AATK: variants seen among roughly 807,000 people sequenced by gnomAD.
The protein encoded by AATK is lemur tail kinase 1, also known as serine/threonine-protein kinase LMTK1.
In AATK, 91 loss-of-function variants were observed where a neutral mutation model predicts 114.3. That is an observed-to-expected ratio of 0.80 (90% confidence interval 0.67 to 0.95). The LOEUF is 0.95. Among genes scored for constraint, AATK ranks in the 40% least tolerant of loss-of-function variants. The probability of loss-of-function intolerance (pLI) is 0.00; values close to 1 mark genes in which losing one functional copy is unlikely to be tolerated. For synonymous variants in AATK, 1,075 were observed against 916.5 expected (o/e 1.17, Z -3.12); for missense variants, 2,176 against 1,965.2 (o/e 1.11, Z -2.03).
rs370718149 is a variant in AATK, at chr17:81,121,368, G to A, written c.2568C>T (p.Pro856=). 2.0e-5 allele frequency: 32 copies of A among 1,611,664 alleles called. No homozygotes were observed. The highest frequency in any genetic ancestry group is 1.7e-5 in the Admixed American group (1 of 59,920). ...CGGCCGTGTCCTCATCCTCACTGCT[G>A]GGTGCCTCCACCTCGGGAGAGCTGC... ...GSSSSPEVEA[P]SSEDEDTAEA... Residue 856 remains proline (P), a synonymous_variant, in exon 11 of 14, where the codon CCC becomes CCT. Coordinates refer to ENST00000326724, the MANE Select transcript of AATK (RefSeq NM_001080395.3).
intron 1 of AATK, among the ~76,000 whole-genome samples, chr17:81,157,954 G>A (rs1007453395): frequency 1.1e-4 from 16 of 152,224 alleles, no homozygotes; most frequent in Admixed American, 8.5e-4. Flanking sequence ...GACACAGCCG[G>A]GCATCCAGCT....
In AATK at chr17:81,122,190, T is replaced by G. The variant is rs1357708953; in HGVS notation, c.1746A>C (p.Pro582=). The change falls in exon 11 of 14, where the codon CCA becomes CCC. Residue 582 remains proline (P), a synonymous_variant. Coordinates refer to ENST00000326724, the MANE Select transcript of AATK (RefSeq NM_001080395.3). ...CGCGGCCCCAGGGGACGTCGACGGG[T>G]GGCCCGTGGCCCAGCAGCGGCTCCA... is the stretch of plus-strand genomic sequence containing the variant. ...LAMEPLLGHG[P]PVDVPWGRGD... The G allele has an allele frequency of 6.6e-7, 1 of 1,504,268 alleles. No homozygotes were observed. Among genetic ancestry groups the G allele is most frequent in the Non-Finnish European group, 8.9e-7 (1 of 1,128,150 alleles). 93.2% of individuals were successfully genotyped at this position (1,504,268 alleles called of 1,614,324 possible).
At chr17:81,118,521 C>CAT in intron 13 of AATK, 79 bp from the exon 14 acceptor site, 1 of 1,474,834 alleles carries the variant, frequency 6.8e-7, no homozygotes. Context: ...ACCTGGCCTC[C>CAT]ATCCCTGGCC....
intron 1 of AATK, among the ~76,000 whole-genome samples, chr17:81,138,674 C>T (rs1374489155): frequency 6.6e-6 from 1 of 151,650 alleles, no homozygotes; most frequent in Non-Finnish European, 1.5e-5. Context: ...TCCATACATG[C>T]ACACCCACCC....
intron 1 of AATK, among the ~76,000 whole-genome samples, chr17:81,141,574 A>T (rs1049714457): frequency 2.0e-5 from 3 of 152,256 alleles, no homozygotes; most frequent in African/African-American, 7.2e-5. Flanking sequence ...GGGGCTCCCC[A>T]GCAAAGCCTC....
intron 4 of AATK, among the ~76,000 whole-genome samples, chr17:81,128,237 C>G (rs2060876939): frequency 6.6e-6 from 1 of 152,198 alleles, no homozygotes; most frequent in African/African-American, 2.4e-5. Flanking sequence ...GAGCAAGAGG[C>G]TGCTCCTCTC....
chr17:81,164,877 C>A (rs1304498866), intron 1 of AATK, among the ~76,000 whole-genome samples: 1 of 152,228 alleles, frequency 6.6e-6, no homozygotes, highest in Non-Finnish European at 1.5e-5. Context: ...CTAAGCCCAG[C>A]AGACAGACCT....
chr17:81,151,079 C>T (rs931619178), intron 1 of AATK, among the ~76,000 whole-genome samples: 12 of 152,096 alleles, frequency 7.9e-5, no homozygotes, highest in African/African-American at 2.9e-4. Flanking sequence ...ACTCTGTGCC[C>T]CCCTACGAAC....
intron 2 of AATK, chr17:81,132,050 T>C (rs4969253): frequency 0.82 from 1,072,299 of 1,300,064 alleles, 443,005 homozygotes; most frequent in East Asian, 0.98. Context: ...ATGTAGAGGC[T>C]GCACCTGTAT....
chr17:81,118,842 C>T (rs1026657334), intron 13 of AATK, among the ~76,000 whole-genome samples: 13 of 152,230 alleles, frequency 8.5e-5, no homozygotes, highest in African/African-American at 3.1e-4. Flanking sequence ...AGGAAGCTGG[C>T]AGGGGGCCTT....
chr17:81,151,056 G>A (rs1488380626), intron 1 of AATK, among the ~76,000 whole-genome samples: 1 of 152,166 alleles, frequency 6.6e-6, no homozygotes, highest in African/African-American at 2.4e-5. Flanking sequence ...GACAGGAGAA[G>A]GGAGGAAGGG....
At position 81,122,472 on chromosome 17, in the gene AATK, C is replaced by T. The variant is rs371390882; in HGVS notation, c.1464G>A (p.Glu488=). ...EYKWEAGRGA[E]AFPATLSPGR... The stretch of plus-strand genomic sequence containing the variant: ...CAGGGCTCAGCGTGGCCGGGAAGGC[C>T]TCCGCGCCGCGGCCCGCCTCCCACT... The change falls in exon 11 of 14, where the codon GAG becomes GAA. Residue 488 remains glutamate (E), a synonymous_variant. Transcript: ENST00000326724. The T allele has an allele frequency of 6.9e-7, 1 of 1,453,238 alleles. No homozygotes were observed. Among genetic ancestry groups the T allele is most frequent in the Non-Finnish European group, 9.1e-7 (1 of 1,098,968 alleles). 90.0% of individuals were successfully genotyped at this position (1,453,238 alleles called of 1,614,324 possible).
intron 2 of AATK, chr17:81,132,853 G>C (rs923689995): frequency 2.9e-5 from 7 of 238,776 alleles, no homozygotes; most frequent in South Asian, 2.8e-4. Flanking sequence ...GGAATGTTCC[G>C]GGCACCATGT....
intron 9 of AATK, among the ~76,000 whole-genome samples, chr17:81,124,261 G>A (rs1042365431): frequency 9.7e-5 from 13 of 133,506 alleles, no homozygotes; most frequent in African/African-American, 3.3e-4. Context: ...TGCCCCTTCC[G>A]AGTCTACACC....
intron 1 of AATK, among the ~76,000 whole-genome samples, chr17:81,151,415 G>GA (rs916655270): frequency 3.3e-5 from 2 of 60,318 alleles, no homozygotes; most frequent in African/African-American, 8.2e-5. Flanking sequence ...CCTGGGGCTG[G>GA]GGGGACCGTG....
intron 1 of AATK, among the ~76,000 whole-genome samples, chr17:81,145,799 G>A (rs1027646949): frequency 2.7e-5 from 4 of 148,360 alleles, no homozygotes; most frequent in Non-Finnish European, 5.9e-5. Context: ...ACAGCGAACC[G>A]AAAAAAGCAA....
intron 9 of AATK, 144 bp from the exon 10 acceptor site, chr17:81,123,487 C>G (rs2060729769): frequency 1.4e-6 from 1 of 706,130 alleles, no homozygotes; most frequent in Non-Finnish European, 2.0e-6. Context: ...CCAGCCGCCC[C>G]TCCCTGAGGA....
intron 2 of AATK, chr17:81,131,993 C>T (rs541044558): frequency 4.6e-6 from 6 of 1,314,502 alleles, no homozygotes; most frequent in East Asian, 5.4e-5. Flanking sequence ...AGCCTGGCCC[C>T]GTGCAGCCTA....
intron 1 of AATK, among the ~76,000 whole-genome samples, chr17:81,144,576 C>T (rs1319549670): frequency 6.6e-6 from 1 of 152,266 alleles, no homozygotes; most frequent in African/African-American, 2.4e-5. Context: ...GAGAGCCGCC[C>T]ACCCACTCTC....
Sources: allele counts gnomAD v4.1 joint callset (sites outside exome capture counted in the v4.1 genomes callset), GRCh38; gene constraint gnomAD v4.1.1; transcripts MANE v1.5; gene names NCBI Gene and HGNC (gene_info 2026-07-23, HGNC 2026-07-21).